KCNMA1: variants seen among roughly 807,000 people sequenced by gnomAD.
KCNMA1 encodes the protein Calcium-activated potassium channel subunit alpha-1.
KCNMA1 carries 29 observed loss-of-function variants against 140.0 expected under a neutral mutation model. The observed-to-expected ratio is 0.21, with a 90% CI of 0.15 to 0.28. KCNMA1 has a LOEUF of 0.28. Ranked by LOEUF, KCNMA1 falls within the 10% of genes least tolerant of loss-of-function variation. KCNMA1 has a pLI of 1.00. For missense variants in KCNMA1, 880 were observed against 1,602.2 expected (o/e 0.55, Z 7.70); for synonymous variants, 612 against 611.9 (o/e 1.00, Z 0.00).
intron 1 of KCNMA1, among the ~76,000 whole-genome samples, chr10:77,548,626 C>A (rs1306975810): frequency 6.6e-6 from 1 of 152,192 alleles, no homozygotes; most frequent in Non-Finnish European, 1.5e-5. Flanking sequence ...CTTGATAGAT[C>A]TAACAGCACA....
chr10:77,523,209 C>A (rs570819772), intron 1 of KCNMA1, among the ~76,000 whole-genome samples: 7 of 150,008 alleles, frequency 4.7e-5, no homozygotes, highest in South Asian at 2.2e-4. Flanking sequence ...ACGTGCCCCC[C>A]CCCCTTGCAA....
At chr10:77,181,867 A>C (rs2154121603) in intron 5 of KCNMA1, among the ~76,000 whole-genome samples, 1 of 152,356 alleles carries the variant, frequency 6.6e-6, no homozygotes, top group East Asian at 1.9e-4. Flanking sequence ...ATATAATTCT[A>C]ATGAGAAAAC....
In KCNMA1 at chr10:77,030,918, G is replaced by T. The variant is rs144129911; in HGVS notation, c.1860-3027C>A. On this transcript the variant is annotated intron_variant, in intron 15 of 27. Transcript: ENST00000286628. Reference sequence around the variant, plus strand: ...ACAAGCTGTGGCCCACTGGCCAAAGGAAAGGAGAGGGATAGAATGATGTGA... The same window carrying T: ...ACAAGCTGTGGCCCACTGGCCAAAGTAAAGGAGAGGGATAGAATGATGTGA... Among the ~76,000 whole-genome samples, 633 of 152,274 alleles carry T rather than the reference G, an allele frequency of 4.2e-3. 6 individuals carry two copies. The highest frequency in any genetic ancestry group is 0.014 in the African/African-American group (588 of 41,570).
intron 1 of KCNMA1, among the ~76,000 whole-genome samples, chr10:77,506,571 TAG>T (rs72516981): frequency 0.012 from 958 of 78,014 alleles, 26 homozygotes; most frequent in African/African-American, 0.03. Context: ...GAGATGTTCC[TAG>T]AGAGAGAGAG....
At chr10:77,347,040 A>G (rs746532842) in intron 2 of KCNMA1, among the ~76,000 whole-genome samples, 2 of 152,158 alleles carry the variant, frequency 1.3e-5, no homozygotes, top group Admixed American at 6.5e-5. Flanking sequence ...CAATGTCACA[A>G]TCTGGCTTTA....
intron 1 of KCNMA1, among the ~76,000 whole-genome samples, chr10:77,541,674 G>A (rs1365955693): frequency 6.6e-6 from 1 of 152,144 alleles, no homozygotes; most frequent in Non-Finnish European, 1.5e-5. Context: ...ATGGAGAATG[G>A]ATCATGAGTC....
chr10:76,951,396 A>G (rs543160703), intron 21 of KCNMA1, among the ~76,000 whole-genome samples: 21 of 152,228 alleles, frequency 1.4e-4, no homozygotes, highest in African/African-American at 5.1e-4. Context: ...CCCAAGCACA[A>G]CCTATGTGTG....
At position 77,580,365 on chromosome 10, in the gene KCNMA1, A is replaced by C. The variant is rs1354239558; in HGVS notation, c.378+56900T>G. Among the ~76,000 whole-genome samples the C allele has an allele frequency of 8.2e-5, 12 of 147,108 alleles. No individual in the cohort carries two copies. In the Admixed American group the frequency reaches 8.2e-4, roughly 10 times the overall value. The stretch of plus-strand genomic sequence containing the variant: ...CACTGCACTCCAGCCTGGACAACAG[A>C]GGGAGACTCCATCTCAAAAAAAAAA... On this transcript the variant is annotated intron_variant, in intron 1 of 27. Coordinates refer to ENST00000286628, the MANE Select transcript of KCNMA1 (RefSeq NM_001161352.2).
intron 15 of KCNMA1, among the ~76,000 whole-genome samples, chr10:77,029,577 T>C (rs189115304): frequency 6.6e-6 from 1 of 152,224 alleles, no homozygotes; most frequent in African/African-American, 2.4e-5. Context: ...TACAAGTGAA[T>C]AAACAATAAA....
At position 77,621,087 on chromosome 10, in the gene KCNMA1, G is replaced by A. The variant is rs557037254; in HGVS notation, c.378+16178C>T. On this transcript the variant is annotated intron_variant, in intron 1 of 27. Transcript: ENST00000286628. ...CATGCACGGGGTTTGGCAGGCACAC[G>A]GCCACAATGCGCAATGGCCTAGAAA... Among the ~76,000 whole-genome samples the A allele has an allele frequency of 6.7e-4, 102 of 152,264 alleles. 2 individuals carry two copies. The highest frequency in any genetic ancestry group is 4.2e-3 in the South Asian group (20 of 4,808).
chr10:77,637,580 G>GCTGCCT lies in KCNMA1; in HGVS notation c.57_62dup (p.Gly20_Ser21insArgGly). On this transcript the variant is annotated inframe_insertion, in exon 1 of 28. Transcript: ENST00000286628. ...GGATATTGCTACTCATTCTAAGACTGCTGCCTCCGCCGCCGCCGCCGCCGC... is the reference window on the plus strand; with the variant it reads ...GGATATTGCTACTCATTCTAAGACTGCTGCCTCTGCCTCCGCCGCCGCCGCCGCCGC... 2.0e-6 allele frequency: 3 copies of GCTGCCT among 1,532,508 alleles called. No homozygotes were observed. The highest frequency in any genetic ancestry group is 2.6e-6 in the Non-Finnish European group (3 of 1,142,376). 94.9% of individuals were successfully genotyped at this position (1,532,508 alleles called of 1,614,324 possible). A position where few individuals can be genotyped will look rare whatever the true frequency, so the allele number is the denominator to read the frequency against.
At chr10:77,062,726 A>G (rs1377380709) in intron 14 of KCNMA1, among the ~76,000 whole-genome samples, 1 of 152,186 alleles carries the variant, frequency 6.6e-6, no homozygotes, top group African/African-American at 2.4e-5. Context: ...ATAGTTTTTC[A>G]TGGTTGAGGG....
intron 3 of KCNMA1, among the ~76,000 whole-genome samples, chr10:77,223,847 C>T (rs1274526488): frequency 6.6e-6 from 1 of 152,172 alleles, no homozygotes; most frequent in African/African-American, 2.4e-5. Context: ...AGGAATCAAA[C>T]AGCCCAATGA....
At chr10:77,382,888 A>ATG (rs1566444560) in intron 2 of KCNMA1, among the ~76,000 whole-genome samples, 1 of 40,656 alleles carries the variant, frequency 2.5e-5, no homozygotes, top group Non-Finnish European at 4.6e-5. Context: ...AAAAAAAAAT[A>ATG]TATATATATA....
chr10:77,125,426 G>T (rs1011301352), intron 5 of KCNMA1, among the ~76,000 whole-genome samples: 1 of 152,186 alleles, frequency 6.6e-6, no homozygotes, highest in African/African-American at 2.4e-5. Flanking sequence ...CTGCCCCAGG[G>T]CCTCTGCACA....
intron 19 of KCNMA1, among the ~76,000 whole-genome samples, chr10:76,998,978 T>C (rs1469275090): frequency 6.6e-6 from 1 of 152,196 alleles, no homozygotes; most frequent in Non-Finnish European, 1.5e-5. Flanking sequence ...GGACGACTGA[T>C]GAAACGGAGA....
At position 76,977,488 on chromosome 10, in the gene KCNMA1, G is replaced by A; in HGVS notation, c.2267-7421C>T. The A allele has an allele frequency of 5.7e-6, 4 of 697,422 alleles. No individual in the cohort carries two copies. The South Asian group carries it at 6.0e-5, about 10-fold the overall frequency. 43.2% of individuals were successfully genotyped at this position (697,422 alleles called of 1,614,324 possible). On this transcript the variant is annotated intron_variant, in intron 19 of 27. Coordinates refer to ENST00000286628, the MANE Select transcript of KCNMA1 (RefSeq NM_001161352.2). ...CTTCCATCTCTAACGACAAAGTTGAGGACTTGCCATAGAGACCATATGGGT... is the reference window on the plus strand; with the variant it reads ...CTTCCATCTCTAACGACAAAGTTGAAGACTTGCCATAGAGACCATATGGGT...
rs183565509 is a variant in KCNMA1, at chr10:77,205,312, T to C, written c.603-20396A>G. ...CATACTAGGAGCAAAGCTAAAAATC[T>C]AGAGATGTGTGCATATCAAATAGGA... On this transcript the variant is annotated intron_variant, in intron 3 of 27. Transcript: ENST00000286628. Among the ~76,000 whole-genome samples the C allele has an allele frequency of 1.7e-3, 258 of 152,324 alleles. No homozygotes were observed. In the Middle Eastern group the frequency reaches 0.02, roughly 12 times the overall value.
chr10:77,505,823 T>G (rs1232902822), intron 1 of KCNMA1, among the ~76,000 whole-genome samples: 1 of 152,146 alleles, frequency 6.6e-6, no homozygotes, highest in African/African-American at 2.4e-5. Context: ...TTAGCTAACA[T>G]TTAGAAAGTT....
Sources: gnomAD v4.1 joint callset for allele counts (sites outside exome capture counted in the v4.1 genomes callset) on GRCh38, gnomAD v4.1.1 for gene constraint, MANE v1.5 for transcripts, NCBI Gene and HGNC (gene_info 2026-07-23, HGNC 2026-07-21) for gene names.